The following THRB variants were observed in gnomAD, a reference collection of about 807,000 sequenced individuals.
THRB encodes thyroid hormone receptor beta.
THRB carries 12 observed loss-of-function variants against 47.8 expected under a neutral mutation model. That is an observed-to-expected ratio of 0.25 (90% CI 0.16 to 0.41). The LOEUF is 0.41. Ranked by LOEUF, THRB falls within the 10% of genes least tolerant of loss-of-function variation. The probability of loss-of-function intolerance (pLI) is 1.00; values close to 1 mark genes in which losing one functional copy is unlikely to be tolerated. For missense variants in THRB, 348 were observed against 589.2 expected (o/e 0.59, Z 4.24); for synonymous variants, 218 against 212.2 (o/e 1.03, Z -0.24).
intron 2 of THRB, among the ~76,000 whole-genome samples, chr3:24,321,628 T>A (rs2058491511): frequency 6.6e-6 from 1 of 151,830 alleles, no homozygotes; most frequent in Non-Finnish European, 1.5e-5. Context: ...TGTATGCTAA[T>A]ATAATTTTTT....
chr3:24,313,060 G>T (rs752341486), intron 2 of THRB, among the ~76,000 whole-genome samples: 9 of 152,114 alleles, frequency 5.9e-5, no homozygotes, highest in Non-Finnish European at 1.2e-4. Context: ...TTGGGGGTGA[G>T]GGAAAGAGGA....
rs826381 is a variant in THRB, at chr3:24,132,995, T to C, written c.885+321A>G. 0.56 allele frequency among the ~76,000 whole-genome samples: 85,880 copies of C among 152,060 alleles called. 24,648 individuals are homozygous for C. Among genetic ancestry groups the C allele is most frequent in the African/African-American group, 0.67 (27,963 of 41,502 alleles). The stretch of plus-strand genomic sequence containing the variant: ...GGATTAGATTGAATGTGGGCAAACC[T>C]GAGCACCTGAGTGTGGTAACTAGGA... On this transcript the variant is annotated intron_variant, in intron 9 of 10. Coordinates refer to ENST00000646209, the MANE Select transcript of THRB (RefSeq NM_001354712.2).
At chr3:24,373,960 T>G (rs2065096728) in intron 1 of THRB, among the ~76,000 whole-genome samples, 1 of 152,102 alleles carries the variant, frequency 6.6e-6, no homozygotes, top group Non-Finnish European at 1.5e-5. Context: ...CCCTTTTTTT[T>G]TGGTTTATAA....
In THRB at chr3:24,326,756, C is replaced by CTTTTTTTT. The variant is rs1174687260; in HGVS notation, c.-189+10536_-189+10543dup. ...TTCACTAGAAGCTGTCCAGTCTTGTCTTTTTTTTTTTTTTTTTTTTTTTTT... is the reference window on the plus strand; with the variant it reads ...TTCACTAGAAGCTGTCCAGTCTTGTCTTTTTTTTTTTTTTTTTTTTTTTTTTTTTTTTT... On this transcript the variant is annotated intron_variant, in intron 2 of 10. Transcript: ENST00000646209. 1.0e-3 allele frequency among the ~76,000 whole-genome samples: 52 copies of CTTTTTTTT among 49,988 alleles called. 10 individuals carry two copies. The highest frequency in any genetic ancestry group is 3.4e-3 in the African/African-American group (33 of 9,644). The allele number at this position is 49,988 out of a possible 152,430, so 32.8% of individuals were successfully genotyped here.
At chr3:24,165,101 C>T (rs2039461881) in intron 5 of THRB, 1 of 765,074 alleles carries the variant, frequency 1.3e-6, no homozygotes, top group Non-Finnish European at 2.4e-6. Context: ...TTCAGGTTGG[C>T]TGTATTGATT....
chr3:24,392,108 T>C (rs2066620505), intron 1 of THRB, among the ~76,000 whole-genome samples: 1 of 152,148 alleles, frequency 6.6e-6, no homozygotes, highest in South Asian at 2.1e-4. Flanking sequence ...CAACTACACA[T>C]AAGGTTTTGT....
At chr3:24,460,321 A>C (rs2073582921) in intron 1 of THRB, among the ~76,000 whole-genome samples, 1 of 152,220 alleles carries the variant, frequency 6.6e-6, no homozygotes, top group Admixed American at 6.5e-5. Context: ...AGCAAACATC[A>C]TCAGGAACAT....
At position 24,119,413 on chromosome 3, in the gene THRB, C is replaced by T. The variant is rs1220062886; in HGVS notation, c.*3471G>A. ...AAGACTGATTTCATAATTTATGACT[C>T]ATGCAGCAAAAGGTCAATATGACAC... is the stretch of plus-strand genomic sequence containing the variant. On this transcript the variant is annotated 3_prime_UTR_variant, in exon 11 of 11. Coordinates refer to ENST00000646209, the MANE Select transcript of THRB (RefSeq NM_001354712.2). 6.6e-6 allele frequency: 1 copy of T among 152,160 alleles called. No individual in the cohort carries two copies. Among genetic ancestry groups the T allele is most frequent in the Non-Finnish European group, 1.5e-5 (1 of 68,024 alleles). The allele number at this position is 152,160 out of a possible 1,614,324, so 9.4% of individuals were successfully genotyped here. A position where few individuals can be genotyped will look rare whatever the true frequency, so the allele number is the denominator to read the frequency against.
At chr3:24,357,368 A>AAAC (rs1553726673) in intron 1 of THRB, among the ~76,000 whole-genome samples, 90 of 145,574 alleles carry the variant, frequency 6.2e-4, no homozygotes, top group Non-Finnish European at 1.0e-3. Context: ...AAAAAAAAAA[A>AAAC]AAAAAACAAA....
chr3:24,261,359 C>A (rs1250112428), intron 3 of THRB, among the ~76,000 whole-genome samples: 1 of 151,902 alleles, frequency 6.6e-6, no homozygotes. Flanking sequence ...ATTAGCTGGG[C>A]GTGGTGGCAC....
chr3:24,134,326 C>T (rs1330270295), intron 8 of THRB, among the ~76,000 whole-genome samples: 1 of 152,158 alleles, frequency 6.6e-6, no homozygotes, highest in Non-Finnish European at 1.5e-5. Context: ...CTGATGTGAT[C>T]TGTGTCCATG....
intron 3 of THRB, among the ~76,000 whole-genome samples, chr3:24,286,142 C>G (rs551910904): frequency 1.3e-5 from 2 of 152,292 alleles, no homozygotes; most frequent in South Asian, 4.1e-4. Flanking sequence ...TCTGCTGATA[C>G]CTTGACCTTG....
intron 4 of THRB, among the ~76,000 whole-genome samples, chr3:24,213,568 C>T (rs556861470): frequency 6.6e-6 from 1 of 152,246 alleles, no homozygotes; most frequent in African/African-American, 2.4e-5. Context: ...AAATCCTTAT[C>T]TGGAAAGGAG....
chr3:24,124,109 C>T (rs2032246768), intron 10 of THRB, among the ~76,000 whole-genome samples: 1 of 152,198 alleles, frequency 6.6e-6, no homozygotes, highest in Admixed American at 6.5e-5. Context: ...TGAATTCACA[C>T]TTCAAAGGTC....
chr3:24,201,255 A>G (rs1263403411), intron 4 of THRB, among the ~76,000 whole-genome samples: 1 of 151,942 alleles, frequency 6.6e-6, no homozygotes, highest in Non-Finnish European at 1.5e-5. Context: ...TTGGGGCTGG[A>G]GAGGGGGTCT....
At chr3:24,138,289 G>C (rs182125178) in intron 8 of THRB, among the ~76,000 whole-genome samples, 20 of 152,170 alleles carry the variant, frequency 1.3e-4, no homozygotes, top group Admixed American at 2.6e-4. Flanking sequence ...CCTTTGCCAG[G>C]CTAGACAGGA....
chr3:24,234,304 T>C (rs985864708), intron 3 of THRB, among the ~76,000 whole-genome samples: 2 of 152,238 alleles, frequency 1.3e-5, no homozygotes, highest in Non-Finnish European at 2.9e-5. Flanking sequence ...AGCTGCCATA[T>C]TAAGCTTTGG....
intron 8 of THRB, among the ~76,000 whole-genome samples, chr3:24,134,109 C>T (rs763391733): frequency 1.3e-4 from 20 of 152,194 alleles, no homozygotes; most frequent in Non-Finnish European, 2.4e-4. Context: ...CAGTTCTCTG[C>T]TGTTTACTTG....
At chr3:24,465,143 A>G (rs1405925425) in intron 1 of THRB, among the ~76,000 whole-genome samples, 1 of 152,108 alleles carries the variant, frequency 6.6e-6, no homozygotes, top group Non-Finnish European at 1.5e-5. Flanking sequence ...TAGTTAGCTC[A>G]GTCTTCTTTA....
Sources: allele counts gnomAD v4.1 joint callset (sites outside exome capture counted in the v4.1 genomes callset), GRCh38; gene constraint gnomAD v4.1.1; transcripts MANE v1.5; gene names NCBI Gene and HGNC (gene_info 2026-07-23, HGNC 2026-07-21).